SPAG16: variants seen among roughly 807,000 people sequenced by gnomAD.
The protein encoded by SPAG16 is sperm associated antigen 16, also known as sperm-associated antigen 16 protein.
SPAG16 carries 86 observed loss-of-function variants against 80.4 expected under a neutral mutation model. That is an observed-to-expected ratio of 1.07 (90% CI 0.90 to 1.28). SPAG16 has a LOEUF of 1.28. SPAG16 is among the 50% of genes most tolerant of loss of function. The pLI is 0.00. For missense variants in SPAG16, 870 were observed against 765.3 expected (o/e 1.14, Z -1.61); for synonymous variants, 294 against 265.9 (o/e 1.11, Z -1.03).
At chr2:214,053,556 C>G (rs562636234) in intron 13 of SPAG16, among the ~76,000 whole-genome samples, 1 of 152,158 alleles carries the variant, frequency 6.6e-6, no homozygotes, top group African/African-American at 2.4e-5. Flanking sequence ...CAGAAAAACC[C>G]CTGGAATACA....
At chr2:214,201,651 C>A (rs1444567912) in intron 15 of SPAG16, among the ~76,000 whole-genome samples, 5 of 152,132 alleles carry the variant, frequency 3.3e-5, no homozygotes, top group African/African-American at 1.2e-4. Flanking sequence ...TCAGCATGTC[C>A]TCTACAATGC....
intron 12 of SPAG16, among the ~76,000 whole-genome samples, chr2:213,980,649 AATAT>A (rs2045680652): frequency 6.9e-6 from 1 of 144,910 alleles, no homozygotes; most frequent in Admixed American, 7.1e-5. Flanking sequence ...ATATATATAG[AATAT>A]ATGTATATGT....
intron 13 of SPAG16, among the ~76,000 whole-genome samples, chr2:214,075,815 G>A (rs565919177): frequency 6.6e-6 from 1 of 152,086 alleles, no homozygotes; most frequent in Non-Finnish European, 1.5e-5. Flanking sequence ...TTAAGGAAAT[G>A]CATTCTTATA....
At chr2:213,795,412 C>T (rs558858480) in intron 10 of SPAG16, among the ~76,000 whole-genome samples, 4 of 152,306 alleles carry the variant, frequency 2.6e-5, no homozygotes, top group African/African-American at 9.6e-5. Context: ...CCATCAGTGG[C>T]AAACTAAATC....
chr2:213,815,971 T>C (rs1038097844), intron 10 of SPAG16, among the ~76,000 whole-genome samples: 3 of 152,084 alleles, frequency 2.0e-5, no homozygotes, highest in Non-Finnish European at 4.4e-5. Context: ...CACATACTCA[T>C]TAAATATTCT....
chr2:213,739,683 C>T (rs1401266008), intron 10 of SPAG16, among the ~76,000 whole-genome samples: 1 of 151,982 alleles, frequency 6.6e-6, no homozygotes, highest in Non-Finnish European at 1.5e-5. Flanking sequence ...CTCACTGCAA[C>T]CTCTCCCTCC....
At chr2:213,620,809 G>A (rs1391161361) in intron 10 of SPAG16, among the ~76,000 whole-genome samples, 4 of 152,042 alleles carry the variant, frequency 2.6e-5, no homozygotes, top group African/African-American at 9.7e-5. Flanking sequence ...ATTGTCAAAT[G>A]TAATTATATA....
At chr2:214,320,930 TAAATG>T (rs1258328911) in intron 15 of SPAG16, among the ~76,000 whole-genome samples, 5 of 152,146 alleles carry the variant, frequency 3.3e-5, no homozygotes, top group Non-Finnish European at 5.9e-5. Context: ...ATGAAGAAAA[TAAATG>T]TAAAGTATGT....
At chr2:213,329,661 C>T (rs896664012) in intron 5 of SPAG16, among the ~76,000 whole-genome samples, 2 of 152,168 alleles carry the variant, frequency 1.3e-5, no homozygotes, top group African/African-American at 2.4e-5. Context: ...AAGGAAATCC[C>T]ATTTTCTGGG....
intron 9 of SPAG16, among the ~76,000 whole-genome samples, chr2:213,467,929 G>T (rs758953975): frequency 2.0e-5 from 3 of 152,086 alleles, no homozygotes; most frequent in Non-Finnish European, 4.4e-5. Context: ...AGCCTGCAAG[G>T]CAGCTATTAG....
chr2:213,284,702 G>A (rs754601720), intron 1 of SPAG16, 83 bp downstream of exon 1: 61 of 1,485,634 alleles, frequency 4.1e-5, no homozygotes, highest in Non-Finnish European at 5.2e-5. Context: ...CACTGGCGGC[G>A]CCTTTTGAGC....
At chr2:214,274,198 T>C (rs1057151916) in intron 15 of SPAG16, among the ~76,000 whole-genome samples, 1 of 152,206 alleles carries the variant, frequency 6.6e-6, no homozygotes, top group African/African-American at 2.4e-5. Context: ...GATTTTGCGC[T>C]GAGACAGTGA....
At chr2:214,348,492 A>G (rs1344928109) in intron 15 of SPAG16, among the ~76,000 whole-genome samples, 1 of 152,134 alleles carries the variant, frequency 6.6e-6, no homozygotes, top group African/African-American at 2.4e-5. Context: ...ATTCTATGTG[A>G]TTTCCAGGTC....
chr2:213,722,125 A>C (rs948959699), intron 10 of SPAG16, among the ~76,000 whole-genome samples: 1 of 152,214 alleles, frequency 6.6e-6, no homozygotes, highest in African/African-American at 2.4e-5. Context: ...TATAGTCTAA[A>C]CTCATAGAAA....
At chr2:213,382,599 A>T (rs2067228150) in intron 9 of SPAG16, among the ~76,000 whole-genome samples, 1 of 152,218 alleles carries the variant, frequency 6.6e-6, no homozygotes, top group Admixed American at 6.5e-5. Context: ...GGGTCCAAAC[A>T]TCATTTATAC....
intron 10 of SPAG16, among the ~76,000 whole-genome samples, chr2:213,657,739 T>TC (rs1470477734): frequency 1.3e-5 from 2 of 152,102 alleles, no homozygotes; most frequent in African/African-American, 4.8e-5. Context: ...AAACCAAAGT[T>TC]CCCCTTTTTA....
At chr2:213,938,192 C>T (rs751775492) in intron 12 of SPAG16, among the ~76,000 whole-genome samples, 2 of 151,934 alleles carry the variant, frequency 1.3e-5, no homozygotes, top group South Asian at 4.1e-4. Context: ...AAATATGCAA[C>T]ACCTTTTCTC....
intron 10 of SPAG16, among the ~76,000 whole-genome samples, chr2:213,549,274 CTTA>C (rs1329845298): frequency 2.0e-5 from 3 of 151,804 alleles, no homozygotes; most frequent in Non-Finnish European, 4.4e-5. Context: ...AAAATTTTCT[CTTA>C]TATTATTTTC....
At chr2:214,179,219 A>G (rs2057230609) in intron 15 of SPAG16, among the ~76,000 whole-genome samples, 1 of 151,420 alleles carries the variant, frequency 6.6e-6, no homozygotes, top group African/African-American at 2.4e-5. Context: ...AAAAGATCCA[A>G]TTCTCTGGTC....
Sources: allele counts gnomAD v4.1 joint callset (sites outside exome capture counted in the v4.1 genomes callset), GRCh38; gene constraint gnomAD v4.1.1; transcripts MANE v1.5; gene names NCBI Gene and HGNC (gene_info 2026-07-23, HGNC 2026-07-21).